Variants in PRH1 observed in about 807,000 individuals in gnomAD.
PRH1 encodes the protein salivary acidic proline-rich phosphoprotein 1/2.
In PRH1, 7 loss-of-function variants were observed where a neutral mutation model predicts 7.9. The observed-to-expected ratio is 0.89, with a 90% CI of 0.50 to 1.67. PRH1 has a LOEUF of 1.67. Ranked by LOEUF, PRH1 falls within the 40% of genes most tolerant of loss-of-function variation. The pLI, the probability that PRH1 is intolerant of heterozygous loss-of-function variation, is 0.00. For missense variants in PRH1, 109 were observed against 223.6 expected, an observed-to-expected ratio of 0.49 and a Z score of 3.27; for synonymous variants, 45 against 80.8, an observed-to-expected ratio of 0.56 and a Z score of 2.38.
intron 1 of PRH1, among the ~76,000 whole-genome samples, chr12:11,070,942 G>GA (rs1944038165): frequency 6.6e-6 from 1 of 152,084 alleles, no homozygotes; most frequent in South Asian, 2.1e-4. Flanking sequence ...GTTTGTAACA[G>GA]ATTGCCCCAT....
chr12:11,031,762 G>A (rs1225653311), intron 1 of PRH1, among the ~76,000 whole-genome samples: 5 of 152,134 alleles, frequency 3.3e-5, no homozygotes, highest in African/African-American at 9.7e-5. Flanking sequence ...GATTGCTGTG[G>A]TTTTACAGTG....
intron 1 of PRH1, among the ~76,000 whole-genome samples, chr12:11,011,331 G>T (rs1038242924): frequency 2.0e-5 from 3 of 152,032 alleles, no homozygotes; most frequent in Non-Finnish European, 2.9e-5. Context: ...GCACCAGGGT[G>T]TGCTAATGGA....
At chr12:10,988,413 G>A (rs772782916) in intron 1 of PRH1, among the ~76,000 whole-genome samples, 3 of 152,050 alleles carry the variant, frequency 2.0e-5, no homozygotes, top group South Asian at 2.1e-4. Flanking sequence ...TGTTTGAAAG[G>A]ATTTGTGTGC....
chr12:11,132,497 T>G (rs1294469223), intron 1 of PRH1, among the ~76,000 whole-genome samples: 1 of 106,622 alleles, frequency 9.4e-6, no homozygotes, highest in Admixed American at 9.3e-5. Flanking sequence ...TCAAAAAAAG[T>G]TTTTCTTTAA....
intron 1 of PRH1, among the ~76,000 whole-genome samples, chr12:11,072,008 T>G (rs1325205382): frequency 1.3e-5 from 2 of 152,056 alleles, no homozygotes; most frequent in African/African-American, 4.8e-5. Flanking sequence ...CAGGCCTCAC[T>G]CTTTTTAACT....
chr12:11,022,946 C>G (rs552063045), intron 1 of PRH1, among the ~76,000 whole-genome samples: 32 of 152,208 alleles, frequency 2.1e-4, no homozygotes, highest in African/African-American at 7.5e-4. Flanking sequence ...TGTTTAACCT[C>G]TCCATAATTT....
At chr12:10,967,110 G>A (rs1383275942) in intron 2 of PRH1, among the ~76,000 whole-genome samples, 7 of 83,466 alleles carry the variant, frequency 8.4e-5, no homozygotes, top group African/African-American at 1.5e-4. Context: ...GCAAGACTCC[G>A]TCTCAAAAAA....
intron 1 of PRH1, among the ~76,000 whole-genome samples, chr12:11,066,388 T>A (rs1469562200): frequency 2.0e-5 from 3 of 152,084 alleles, no homozygotes; most frequent in Non-Finnish European, 4.4e-5. Flanking sequence ...TACACTAAAA[T>A]CTAAATTGTT....
intron 1 of PRH1, chr12:11,021,982 A>G: frequency 2.5e-6 from 4 of 1,601,512 alleles, no homozygotes; most frequent in Non-Finnish European, 2.6e-6. Context: ...ACAGATTAAC[A>G]GCAGAAAACA....
intron 1 of PRH1, among the ~76,000 whole-genome samples, chr12:11,085,272 T>C (rs1944646466): frequency 6.6e-6 from 1 of 151,160 alleles, no homozygotes; most frequent in South Asian, 2.1e-4. Context: ...AACAGCATAC[T>C]GTAAGGCAAA....
chr12:10,999,860 T>C (rs1231889565), intron 1 of PRH1, among the ~76,000 whole-genome samples: 2 of 152,160 alleles, frequency 1.3e-5, no homozygotes, highest in African/African-American at 2.4e-5. Flanking sequence ...CTAGATATCA[T>C]GTTTCTGAAA....
intron 1 of PRH1, chr12:11,031,499 G>A (rs1331361808): frequency 3.7e-5 from 28 of 753,750 alleles, no homozygotes; most frequent in Non-Finnish European, 5.2e-5. Flanking sequence ...GTGAGCAACA[G>A]CAAGGTTTAT....
In PRH1 at chr12:11,091,115, C is replaced by CACACACATATAT. The variant is rs751016037; in HGVS notation, n.124-43928_124-43927insATATATGTGTGT. On this transcript the variant is annotated intron_variant and non_coding_transcript_variant, in intron 1 of 4. Coordinates refer to the PRH1 transcript ENST00000541977. ...ACACAAATACACACACACACACACA[C>CACACACATATAT]ATATATATATATATATATATATATA... is the stretch of plus-strand genomic sequence containing the variant. Among the ~76,000 whole-genome samples the CACACACATATAT allele has an allele frequency of 6.4e-4, 16 of 25,114 alleles. 2 individuals carry two copies. The highest frequency in any genetic ancestry group is 2.3e-3 in the East Asian group (1 of 426). The allele number at this position is 25,114 out of a possible 152,430, so 16.5% of individuals were successfully genotyped here. A position where few individuals can be genotyped will look rare whatever the true frequency, so the allele number is the denominator to read the frequency against.
chr12:11,025,146 T>C (rs181643260), intron 1 of PRH1, among the ~76,000 whole-genome samples: 15 of 151,934 alleles, frequency 9.9e-5, no homozygotes, highest in Middle Eastern at 3.4e-3. Context: ...GCCTCCGGAG[T>C]AGCTGGGACT....
intron 1 of PRH1, chr12:11,061,494 A>T (rs941700841): frequency 6.2e-7 from 1 of 1,614,156 alleles, no homozygotes; most frequent in Non-Finnish European, 8.5e-7. Context: ...AGCTGAATGC[A>T]ATAGCTTCGC....
At position 11,156,308 on chromosome 12, in the gene PRH1, T is replaced by C. The variant is rs905743436; in HGVS notation, n.39+15114A>G. Among the ~76,000 whole-genome samples, 6 of 152,228 alleles carry C rather than the reference T, an allele frequency of 3.9e-5. No homozygotes were observed. In the South Asian group the frequency reaches 6.2e-4, roughly 16 times the overall value. ...TACTTTTCAAATTTTCTATTGGTCTTTGGTTTCCTGTAGCATTTATATGTT... is the reference window on the plus strand; with the variant it reads ...TACTTTTCAAATTTTCTATTGGTCTCTGGTTTCCTGTAGCATTTATATGTT... On this transcript the variant is annotated intron_variant and non_coding_transcript_variant, in intron 1 of 1. Transcript: ENST00000541175.
At chr12:10,980,645 G>T (rs1202337978) in intron 1 of PRH1, among the ~76,000 whole-genome samples, 1 of 152,008 alleles carries the variant, frequency 6.6e-6, no homozygotes, top group Non-Finnish European at 1.5e-5. Context: ...TATCAGTAAG[G>T]AGACTCCATG....
intron 1 of PRH1, chr12:11,078,996 G>A (rs1264382686): frequency 3.1e-5 from 4 of 129,870 alleles, no homozygotes; most frequent in African/African-American, 5.5e-5. Context: ...TTTCCAGGAG[G>A]TCATCCAGGT....
chr12:10,924,074 G>A (rs575797331), intron 2 of PRH1, among the ~76,000 whole-genome samples: 1 of 120,796 alleles, frequency 8.3e-6, no homozygotes, highest in Non-Finnish European at 1.6e-5. Context: ...GGCAAGCTCC[G>A]CCTCCTGGGT....
Sources: allele counts gnomAD v4.1 joint callset (sites outside exome capture counted in the v4.1 genomes callset), GRCh38; gene constraint gnomAD v4.1.1; transcripts MANE v1.5; gene names NCBI Gene and HGNC (gene_info 2026-07-23, HGNC 2026-07-21).